The following DLG2 variants were observed in gnomAD, a reference collection of about 807,000 sequenced individuals.
DLG2 encodes the protein disks large homolog 2.
In DLG2, 45 loss-of-function variants were observed where a neutral mutation model predicts 132.5. The ratio of observed to expected loss-of-function variants is 0.34; its 90% CI spans 0.27 to 0.44. The LOEUF (loss-of-function observed/expected upper bound fraction) is 0.44, where lower values mean the gene tolerates loss of function less well. DLG2 is among the 20% of genes least tolerant of loss of function. DLG2 has a pLI of 1.00. For synonymous variants in DLG2, 424 were observed against 419.6 expected (o/e 1.01, Z -0.13); for missense variants, 1,045 against 1,196.9 (o/e 0.87, Z 1.87).
At chr11:83,842,362 AAGGC>A (rs2057740925) in intron 16 of DLG2, among the ~76,000 whole-genome samples, 2 of 151,938 alleles carry the variant, frequency 1.3e-5, no homozygotes, top group African/African-American at 4.8e-5. Context: ...CTGGGAGGCC[AAGGC>A]GGGCGGATCA....
In DLG2 at chr11:84,251,637, C is replaced by CTTTTTTTTTTTTTTTTTTTT. The variant is rs369651884; in HGVS notation, c.520-347_520-346insAAAAAAAAAAAAAAAAAAAA. 1.5e-5 allele frequency among the ~76,000 whole-genome samples: 2 copies of CTTTTTTTTTTTTTTTTTTTT among 130,040 alleles called. 1 individual carries two copies. The allele number at this position is 130,040 out of a possible 152,430, so 85.3% of individuals were successfully genotyped here. A position where few individuals can be genotyped will look rare whatever the true frequency, so the allele number is the denominator to read the frequency against. ...GTAAGAGTTAAAACTTGTATCTTTTCTTTCTTTTTTTTTTTTTTTTGTGAG... is the reference window on the plus strand; with the variant it reads ...GTAAGAGTTAAAACTTGTATCTTTTCTTTTTTTTTTTTTTTTTTTTTTTCTTTTTTTTTTTTTTTTGTGAG... On this transcript the variant is annotated intron_variant, in intron 7 of 27. Transcript: ENST00000376104.
Position 85,347,120 on chromosome 11 carries a change from A to G in DLG2, c.41-61755T>C, listed in dbSNP as rs542248742. 4.9e-4 allele frequency among the ~76,000 whole-genome samples: 74 copies of G among 152,270 alleles called. 2 individuals carry two copies. Among genetic ancestry groups the G allele is most frequent in the African/African-American group, 1.6e-3 (67 of 41,514 alleles). ...AGATGTATGTATGTATAATGTATAT[A>G]TTCTTGTTCCACTTTGCCACTTTTG... On this transcript the variant is annotated intron_variant, in intron 3 of 27. Transcript: ENST00000376104.
rs2052150533 is a variant in DLG2 at position 84,959,114 on chromosome 11, A to G, written c.357+152547T>C. Among the ~76,000 whole-genome samples the G allele has an allele frequency of 2.0e-5, 3 of 152,152 alleles. No individual in the cohort carries two copies. In the South Asian group the frequency reaches 6.2e-4, roughly 31 times the overall value. On this transcript the variant is annotated intron_variant, in intron 6 of 27. Coordinates refer to ENST00000376104, the MANE Select transcript of DLG2 (RefSeq NM_001142699.3). Reference sequence around the variant, plus strand: ...TTATATATAGCCTGACTTTGCTTTAATGCTCAGGAACTTCTGCTTCACAAA... The same window carrying G: ...TTATATATAGCCTGACTTTGCTTTAGTGCTCAGGAACTTCTGCTTCACAAA...
chr11:84,697,269 T>C (rs1455373499), intron 6 of DLG2, among the ~76,000 whole-genome samples: 1 of 151,428 alleles, frequency 6.6e-6, no homozygotes, highest in Non-Finnish European at 1.5e-5. Context: ...TCTGAGGCAG[T>C]ATAATCACAA....
intron 3 of DLG2, among the ~76,000 whole-genome samples, chr11:85,357,031 C>T (rs1218627734): frequency 4.8e-5 from 6 of 125,032 alleles, no homozygotes; most frequent in Admixed American, 3.5e-4. Flanking sequence ...ATTTACAGAA[C>T]TTAATTAGGC....
At chr11:84,161,718 C>T (rs2095550164) in intron 9 of DLG2, among the ~76,000 whole-genome samples, 1 of 152,180 alleles carries the variant, frequency 6.6e-6, no homozygotes, top group African/African-American at 2.4e-5. Context: ...GGCTCAGCTT[C>T]ACGGGCATGA....
chr11:83,705,293 T>C (rs1207381443), intron 18 of DLG2, among the ~76,000 whole-genome samples: 5 of 152,242 alleles, frequency 3.3e-5, no homozygotes, highest in East Asian at 1.9e-4. Flanking sequence ...ATCAACTTAT[T>C]TGTTATTATC....
chr11:85,060,060 A>G (rs2063887438), intron 6 of DLG2, among the ~76,000 whole-genome samples: 1 of 151,518 alleles, frequency 6.6e-6, no homozygotes, highest in African/African-American at 2.4e-5. Flanking sequence ...TTCACCTTGC[A>G]TGACAAACTT....
At chr11:84,243,015 C>CTATATATA (rs1338945171) in intron 8 of DLG2, among the ~76,000 whole-genome samples, 5 of 140,252 alleles carry the variant, frequency 3.6e-5, no homozygotes, top group Non-Finnish European at 7.8e-5. Context: ...CTCTCTCTCT[C>CTATATATA]TCTATATATA....
At chr11:83,542,139 A>G (rs1245305141) in intron 19 of DLG2, among the ~76,000 whole-genome samples, 2 of 152,172 alleles carry the variant, frequency 1.3e-5, no homozygotes, top group African/African-American at 4.8e-5. Flanking sequence ...AGGTGATAAT[A>G]GAAGATAAGA....
At chr11:85,272,268 GC>G (rs2077582884) in intron 4 of DLG2, among the ~76,000 whole-genome samples, 1 of 152,136 alleles carries the variant, frequency 6.6e-6, no homozygotes, top group Admixed American at 6.5e-5. Flanking sequence ...GGCCTCCCAA[GC>G]CATGTGGAAC....
chr11:85,499,477 C>T (rs1290637881), intron 3 of DLG2, among the ~76,000 whole-genome samples: 1 of 152,016 alleles, frequency 6.6e-6, no homozygotes, highest in Non-Finnish European at 1.5e-5. Context: ...AAAAAAAGTC[C>T]AGGACCAGAT....
rs561204972 is a variant in DLG2 at position 84,447,351 on chromosome 11, T to C, written c.519+87219A>G. On this transcript the variant is annotated intron_variant, in intron 7 of 27. Coordinates refer to ENST00000376104, the MANE Select transcript of DLG2 (RefSeq NM_001142699.3). ...TTATTTTTATTCATATTCCAATCTT[T>C]AAGGAAGACAAAATCACAATAGTCT... Among the ~76,000 whole-genome samples, 6 of 152,274 alleles carry C rather than the reference T, an allele frequency of 3.9e-5. No individual in the cohort carries two copies. The South Asian group carries it at 1.0e-3, about 26-fold the overall frequency.
At chr11:85,443,634 C>A (rs1338698953) in intron 3 of DLG2, among the ~76,000 whole-genome samples, 1 of 152,142 alleles carries the variant, frequency 6.6e-6, no homozygotes, top group African/African-American at 2.4e-5. Flanking sequence ...AATATTGCTC[C>A]ACTTCATAGA....
chr11:83,583,619 T>A (rs1184936373), intron 19 of DLG2, among the ~76,000 whole-genome samples: 1 of 152,212 alleles, frequency 6.6e-6, no homozygotes, highest in African/African-American at 2.4e-5. Flanking sequence ...TTAAAAGTGG[T>A]CTTAAATGAG....
At chr11:84,643,247 G>T (rs1414650721) in intron 6 of DLG2, among the ~76,000 whole-genome samples, 2 of 152,166 alleles carry the variant, frequency 1.3e-5, no homozygotes, top group African/African-American at 4.8e-5. Flanking sequence ...GGCCTACTCA[G>T]GAATTGGGCC....
intron 6 of DLG2, among the ~76,000 whole-genome samples, chr11:84,596,289 C>T (rs986222175): frequency 2.0e-5 from 3 of 151,678 alleles, no homozygotes; most frequent in Non-Finnish European, 4.4e-5. Context: ...CTCACTGCAA[C>T]CTCTGCCTCC....
chr11:83,795,612 A>G (rs1367665335), intron 17 of DLG2, among the ~76,000 whole-genome samples: 1 of 152,132 alleles, frequency 6.6e-6, no homozygotes, highest in Non-Finnish European at 1.5e-5. Context: ...TCTTAATGTG[A>G]AGATGAGTGG....
chr11:83,859,207 G>A (rs779251369), intron 16 of DLG2, among the ~76,000 whole-genome samples: 5 of 152,208 alleles, frequency 3.3e-5, no homozygotes, highest in East Asian at 1.9e-4. Flanking sequence ...AAAGATACCC[G>A]AAAATGTGGA....
Sources: allele counts gnomAD v4.1 joint callset (sites outside exome capture counted in the v4.1 genomes callset), GRCh38; gene constraint gnomAD v4.1.1; transcripts MANE v1.5; gene names NCBI Gene and HGNC (gene_info 2026-07-23, HGNC 2026-07-21).